SLC9D1: variants seen among roughly 807,000 people sequenced by gnomAD.
SLC9D1 encodes the protein putative LAG1-interacting protein.
At chr13:113,496,060 G>A in the SLC9D1 span, 2 of 1,431,232 alleles carry the variant, frequency 1.4e-6, no homozygotes, top group Non-Finnish European at 1.9e-6. Flanking sequence ...GAGAGAGGGA[G>A]AGGGAGAGAG....
the SLC9D1 span, chr13:113,520,852 A>G: frequency 1.3e-6 from 1 of 765,632 alleles, no homozygotes; most frequent in Non-Finnish European, 2.2e-6. Flanking sequence ...GATTCCGTGC[A>G]CAGTCCCTGG....
the SLC9D1 span, among the ~76,000 whole-genome samples, chr13:113,541,570 C>T: frequency 1.4e-5 from 2 of 140,182 alleles, no homozygotes; most frequent in Non-Finnish European, 3.1e-5. Context: ...GTGCCATGCA[C>T]ACGATTGCTG....
At chr13:113,539,322 G>C in the SLC9D1 span, 21 of 1,602,726 alleles carry the variant, frequency 1.3e-5, no homozygotes, top group East Asian at 2.2e-5. This position sits in a 1 kb window ranked among gnomAD's most constrained non-coding sequence, Gnocchi z 4.8. Context: ...GTGCACTGTG[G>C]GGTCTCATGT....
the SLC9D1 span, chr13:113,548,282 C>T: frequency 2.8e-5 from 45 of 1,612,892 alleles, no homozygotes; most frequent in Middle Eastern, 1.7e-4. Flanking sequence ...TCAGCAGTGA[C>T]GTAATGAACC....
chr13:113,546,403 G>A, the SLC9D1 span, among the ~76,000 whole-genome samples: 5 of 152,072 alleles, frequency 3.3e-5, no homozygotes, highest in Non-Finnish European at 7.4e-5. This position sits in a 1 kb window ranked among gnomAD's most constrained non-coding sequence, Gnocchi z 7.1. Flanking sequence ...GAGTGGGCAT[G>A]GAGGGGGCAG....
the SLC9D1 span, among the ~76,000 whole-genome samples, chr13:113,501,333 T>C: frequency 6.6e-6 from 1 of 152,194 alleles, no homozygotes; most frequent in Non-Finnish European, 1.5e-5. Flanking sequence ...AAATAAAATA[T>C]GACATCAATT....
At chr13:113,495,371 T>G in the SLC9D1 span, 1 of 502,528 alleles carries the variant, frequency 2.0e-6, no homozygotes, top group Non-Finnish European at 3.5e-6. Flanking sequence ...ATAGTTTAGA[T>G]GTTGATATTT....
At chr13:113,519,944 A>C in the SLC9D1 span, among the ~76,000 whole-genome samples, 1 of 152,388 alleles carries the variant, frequency 6.6e-6, no homozygotes, top group East Asian at 1.9e-4. Context: ...GGAGTAGCTC[A>C]GGGAAGCTGT....
chr13:113,493,664 C>A, the SLC9D1 span, among the ~76,000 whole-genome samples: 1 of 152,226 alleles, frequency 6.6e-6, no homozygotes, highest in African/African-American at 2.4e-5. Flanking sequence ...GTTACCTGTT[C>A]TAGGTAAGTG....
At chr13:113,519,715 G>A in the SLC9D1 span, among the ~76,000 whole-genome samples, 1 of 151,126 alleles carries the variant, frequency 6.6e-6, no homozygotes, top group East Asian at 1.9e-4. Flanking sequence ...GGCTCATTCC[G>A]TGTGGTGGCT....
chr13:113,525,536 A>G, the SLC9D1 span, among the ~76,000 whole-genome samples: 1 of 152,262 alleles, frequency 6.6e-6, no homozygotes, highest in African/African-American at 2.4e-5. Context: ...TTCAGGAGCT[A>G]TTCTAGAACA....
At chr13:113,526,916 C>G in the SLC9D1 span, among the ~76,000 whole-genome samples, 1 of 152,220 alleles carries the variant, frequency 6.6e-6, no homozygotes, top group Non-Finnish European at 1.5e-5. Flanking sequence ...TTTAGATATG[C>G]AAATACTTAT....
At chr13:113,506,981 T>C in the SLC9D1 span, among the ~76,000 whole-genome samples, 6 of 151,942 alleles carry the variant, frequency 3.9e-5, no homozygotes, top group Admixed American at 6.6e-5. Flanking sequence ...TAGTAAGTTG[T>C]GCTCAGCTGC....
the SLC9D1 span, among the ~76,000 whole-genome samples, chr13:113,536,246 C>T: frequency 1.5e-3 from 221 of 151,884 alleles, no homozygotes; most frequent in South Asian, 9.8e-3. Flanking sequence ...GGCATGGTGG[C>T]GCCTGCCTGC....
the SLC9D1 span, among the ~76,000 whole-genome samples, chr13:113,492,727 G>A: frequency 3.3e-5 from 5 of 152,270 alleles, no homozygotes; most frequent in African/African-American, 7.2e-5. Flanking sequence ...GCAAAACACC[G>A]TCTCTACTAA....
chr13:113,498,319 C>A, the SLC9D1 span: 1 of 1,497,206 alleles, frequency 6.7e-7, no homozygotes, highest in African/African-American at 1.4e-5. Flanking sequence ...ATATCTCACT[C>A]TTCTTTTCTT....
the SLC9D1 span, chr13:113,495,909 GT>G: frequency 6.2e-7 from 1 of 1,614,166 alleles, no homozygotes; most frequent in Non-Finnish European, 8.5e-7. Flanking sequence ...TGAAAATTCC[GT>G]TTTCCAAGCT....
chr13:113,493,913 G>A, the SLC9D1 span, among the ~76,000 whole-genome samples: 5 of 152,152 alleles, frequency 3.3e-5, no homozygotes, highest in Non-Finnish European at 5.9e-5. Flanking sequence ...TTTGCATAAG[G>A]TTTGTCTCTT....
the SLC9D1 span, among the ~76,000 whole-genome samples, chr13:113,517,189 G>A: frequency 2.6e-5 from 4 of 152,214 alleles, no homozygotes; most frequent in African/African-American, 9.6e-5. Flanking sequence ...ATGCAAGCGA[G>A]GGGAAAGGAG....
Sources: allele counts gnomAD v4.1 joint callset (sites outside exome capture counted in the v4.1 genomes callset), GRCh38; gene constraint gnomAD v4.1.1; non-coding constraint Gnocchi (gnomAD v3.1); transcripts MANE v1.5; gene names NCBI Gene and HGNC (gene_info 2026-07-23, HGNC 2026-07-21).